The following WDFY3 variants were observed in gnomAD, a reference collection of about 807,000 sequenced individuals.
The protein encoded by WDFY3 is WD repeat and FYVE domain containing 3, also known as WD repeat and FYVE domain-containing protein 3.
Under a neutral mutation model 409.6 loss-of-function variants are expected in WDFY3, and 66 were observed. The observed-to-expected ratio is 0.16, with a 90% CI of 0.13 to 0.20. WDFY3 has a LOEUF of 0.20. Ranked by LOEUF, WDFY3 falls within the 10% of genes least tolerant of loss-of-function variation. The pLI is 1.00. For missense variants in WDFY3, 3,031 were observed against 4,298.1 expected, an observed-to-expected ratio of 0.71 and a Z score of 8.24; for synonymous variants, 1,521 against 1,537.1, an observed-to-expected ratio of 0.99 and a Z score of 0.25.
At chr4:84,917,535 T>C (rs1579117432) in intron 2 of WDFY3, among the ~76,000 whole-genome samples, 1 of 152,286 alleles carries the variant, frequency 6.6e-6, no homozygotes, top group East Asian at 1.9e-4. Context: ...TAATAGCAGA[T>C]TTTTTTCTCA....
chr4:84,839,930 C>T (rs933589120), intron 6 of WDFY3, among the ~76,000 whole-genome samples: 1 of 151,932 alleles, frequency 6.6e-6, no homozygotes, highest in South Asian at 2.1e-4. Context: ...CAGATCATTC[C>T]GAGGACAAAA....
In WDFY3 at chr4:84,880,496, T is replaced by C. The variant is rs181977667; in HGVS notation, c.-32+16415A>G. Reference sequence around the variant, plus strand: ...TGGATTGGCATTATCTGGTTGGAATTATCTAGTAAAATTGACCATATACAG... The same window carrying C: ...TGGATTGGCATTATCTGGTTGGAATCATCTAGTAAAATTGACCATATACAG... On this transcript the variant is annotated intron_variant, in intron 3 of 67. Transcript: ENST00000295888. Among the ~76,000 whole-genome samples, 7 of 151,460 alleles carry C rather than the reference T, an allele frequency of 4.6e-5. No homozygotes were observed. The East Asian group carries it at 1.2e-3, about 25-fold the overall frequency.
chr4:84,888,999 C>T (rs951052426), intron 3 of WDFY3, among the ~76,000 whole-genome samples: 2 of 151,910 alleles, frequency 1.3e-5, no homozygotes, highest in African/African-American at 4.8e-5. Flanking sequence ...TATTTTTTCC[C>T]CAAAGGCCTT....
Position 84,696,150 on chromosome 4 carries a change from T to A in WDFY3, c.8721A>T (p.Leu2907=). 1 of 1,614,172 alleles carries A rather than the reference T, an allele frequency of 6.2e-7. No individual in the cohort carries two copies. Among genetic ancestry groups the A allele is most frequent in the Non-Finnish European group, 8.5e-7 (1 of 1,180,018 alleles). ...CGAAGATTAAGTCAATCCACTCATG[T>A]AGATGGGCACTCACGTAATCACACT... The part of the protein sequence containing the change: ...ALECDYVSAH[L]HEWIDLIFGY... The change falls in exon 58 of 68, where the codon CTA becomes CTT. Residue 2907 remains leucine (L), a synonymous_variant. Transcript: ENST00000295888.
chr4:84,753,399 C>T (rs960327716), intron 35 of WDFY3, among the ~76,000 whole-genome samples: 14 of 151,882 alleles, frequency 9.2e-5, no homozygotes, highest in African/African-American at 2.7e-4. Flanking sequence ...GCTGGCATCG[C>T]GTAAAATAAA....
intron 3 of WDFY3, among the ~76,000 whole-genome samples, chr4:84,890,362 A>C (rs898210164): frequency 6.6e-6 from 1 of 152,228 alleles, no homozygotes; most frequent in African/African-American, 2.4e-5. Flanking sequence ...GGCCTCCCAA[A>C]GTGCTGGGAT....
rs377243420 is a variant in WDFY3, at chr4:84,778,706, A to G, written c.4366-51T>C. 9.0e-5 allele frequency: 141 copies of G among 1,563,900 alleles called. 1 individual carries two copies. The highest frequency in any genetic ancestry group is 1.7e-4 in the South Asian group (14 of 81,142). On this transcript the variant is annotated intron_variant, in intron 26 of 67. Coordinates refer to ENST00000295888, the MANE Select transcript of WDFY3 (RefSeq NM_014991.6). ...TGTTGATAAATCATCATATATATTC[A>G]TTACACACACACAAACACACACATA...
intron 56 of WDFY3, 83 bp downstream of exon 56, chr4:84,702,270 C>G (rs1237792029): frequency 5.7e-6 from 8 of 1,415,390 alleles, no homozygotes; most frequent in Non-Finnish European, 7.6e-6. Flanking sequence ...ATGTGTGCTG[C>G]AGACAATCTT....
intron 1 of WDFY3, among the ~76,000 whole-genome samples, chr4:84,960,259 C>A (rs970425272): frequency 6.6e-6 from 1 of 152,166 alleles, no homozygotes; most frequent in Non-Finnish European, 1.5e-5. Flanking sequence ...CCTAACTACT[C>A]AACCTCCAGA....
chr4:84,794,805 A>G, intron 20 of WDFY3, 68 bp from the exon 21 acceptor site: 1 of 1,519,508 alleles, frequency 6.6e-7, no homozygotes, highest in Non-Finnish European at 8.8e-7. Context: ...GATGCCAACA[A>G]AAGCAAATAA....
chr4:84,840,944 G>T (rs1050899106), intron 6 of WDFY3, among the ~76,000 whole-genome samples: 1 of 152,118 alleles, frequency 6.6e-6, no homozygotes, highest in African/African-American at 2.4e-5. Context: ...TCTAAGCCAT[G>T]CGTTTCCTTA....
At chr4:84,689,855 C>A (rs995712121) in intron 61 of WDFY3, among the ~76,000 whole-genome samples, 1 of 152,154 alleles carries the variant, frequency 6.6e-6, no homozygotes, top group African/African-American at 2.4e-5. Context: ...GGTATTGTTA[C>A]ATTATTTTTC....
intron 31 of WDFY3, 52 bp downstream of exon 31, chr4:84,766,200 A>G: frequency 6.5e-7 from 1 of 1,534,330 alleles, no homozygotes; most frequent in Non-Finnish European, 8.8e-7. Context: ...CCTAACATGA[A>G]TTAACTAGTA....
chr4:84,845,904 TA>T (rs879593790), intron 5 of WDFY3, among the ~76,000 whole-genome samples: 238 of 140,372 alleles, frequency 1.7e-3, no homozygotes, highest in Admixed American at 2.1e-3. Flanking sequence ...TCAAAGCATT[TA>T]AAAAAAAAAA....
At chr4:84,882,520 A>G (rs1005462383) in intron 3 of WDFY3, among the ~76,000 whole-genome samples, 3 of 152,138 alleles carry the variant, frequency 2.0e-5, no homozygotes, top group Admixed American at 6.5e-5. Context: ...ATTTTAAATT[A>G]TATGTATATT....
At chr4:84,888,029 G>A (rs1764455195) in intron 3 of WDFY3, among the ~76,000 whole-genome samples, 1 of 152,100 alleles carries the variant, frequency 6.6e-6, no homozygotes, top group African/African-American at 2.4e-5. Context: ...GCGGTATCTT[G>A]GCAAAGAATT....
intron 61 of WDFY3, among the ~76,000 whole-genome samples, chr4:84,689,187 T>G (rs1044292196): frequency 6.6e-6 from 1 of 152,198 alleles, no homozygotes; most frequent in Non-Finnish European, 1.5e-5. Context: ...TAGGTATTTT[T>G]TACAGATTGA....
At chr4:84,861,391 CTTAA>C (rs1363465113) in intron 3 of WDFY3, among the ~76,000 whole-genome samples, 1 of 152,052 alleles carries the variant, frequency 6.6e-6, no homozygotes, top group African/African-American at 2.4e-5. Context: ...TTTATAATTA[CTTAA>C]TTTTTTTGCT....
chr4:84,812,267 A>G (rs1282553532), intron 13 of WDFY3, among the ~76,000 whole-genome samples: 1 of 152,164 alleles, frequency 6.6e-6, no homozygotes, highest in Non-Finnish European at 1.5e-5. Flanking sequence ...TAGTTTCCCT[A>G]TCTTGTCAAA....
Sources: allele counts gnomAD v4.1 joint callset (sites outside exome capture counted in the v4.1 genomes callset), GRCh38; gene constraint gnomAD v4.1.1; transcripts MANE v1.5; gene names NCBI Gene and HGNC (gene_info 2026-07-23, HGNC 2026-07-21).